The following NCAM2 variants were observed in gnomAD, a reference collection of about 807,000 sequenced individuals.
NCAM2 encodes neural cell adhesion molecule 2, also known as N-CAM-2.
A neutral mutation model predicts 98.1 loss-of-function variants in NCAM2; 30 were observed. The observed-to-expected ratio is 0.31, with a 90% CI of 0.23 to 0.41. NCAM2 has a LOEUF of 0.41. Among genes scored for constraint, NCAM2 ranks in the 10% least tolerant of loss-of-function variants. The probability of loss-of-function intolerance (pLI) is 1.00; values close to 1 mark genes in which losing one functional copy is unlikely to be tolerated. For synonymous variants in NCAM2, 368 were observed against 342.4 expected (o/e 1.07, Z -0.83); for missense variants, 867 against 1,005.8 (o/e 0.86, Z 1.87).
At chr21:21,291,075 G>A (rs1412561965) in intron 4 of NCAM2, among the ~76,000 whole-genome samples, 1 of 151,794 alleles carries the variant, frequency 6.6e-6, no homozygotes, top group Non-Finnish European at 1.5e-5. Flanking sequence ...CTGTAGATAT[G>A]TTAGAGGCTG....
At chr21:21,172,138 TG>T (rs1168867588) in intron 1 of NCAM2, among the ~76,000 whole-genome samples, 10 of 152,060 alleles carry the variant, frequency 6.6e-5, no homozygotes, top group Non-Finnish European at 7.4e-5. Context: ...CCCTATTTAA[TG>T]GGCATTTGTT....
intron 1 of NCAM2, among the ~76,000 whole-genome samples, chr21:21,100,713 A>T (rs1474359552): frequency 1.3e-5 from 2 of 151,962 alleles, no homozygotes; most frequent in African/African-American, 4.8e-5. Flanking sequence ...ATTGTGCTTA[A>T]ACTGCCCTTT....
At chr21:21,086,177 AGT>A (rs1272800428) in intron 1 of NCAM2, among the ~76,000 whole-genome samples, 2 of 152,204 alleles carry the variant, frequency 1.3e-5, no homozygotes, top group African/African-American at 4.8e-5. Context: ...AGAGATAAAA[AGT>A]GAGGGAAATC....
At chr21:21,265,445 T>TAG (rs2072215433) in intron 1 of NCAM2, among the ~76,000 whole-genome samples, 1 of 89,236 alleles carries the variant, frequency 1.1e-5, no homozygotes, top group Non-Finnish European at 2.5e-5. Context: ...ATATTATATA[T>TAG]ACACACATAT....
In NCAM2 at chr21:21,538,313, G is replaced by GA. The variant is rs972556955; in HGVS notation, c.*364dup. 4.7e-5 allele frequency: 6 copies of GA among 126,482 alleles called. No homozygotes were observed. Among genetic ancestry groups the GA allele is most frequent in the Non-Finnish European group, 9.3e-5 (5 of 53,598 alleles). The allele number at this position is 126,482 out of a possible 1,614,324, so 7.8% of individuals were successfully genotyped here. ...ACCACCAACAAATATAGGGGTTAAG[G>GA]AAAAAAAACGTGAGCTACATGTGTA... On this transcript the variant is annotated 3_prime_UTR_variant, in exon 18 of 18. Coordinates refer to ENST00000400546, the MANE Select transcript of NCAM2 (RefSeq NM_004540.5).
At chr21:21,453,108 A>T (rs1198468362) in intron 12 of NCAM2, among the ~76,000 whole-genome samples, 1 of 130,372 alleles carries the variant, frequency 7.7e-6, no homozygotes, top group Non-Finnish European at 1.6e-5. Flanking sequence ...TTAAATATAT[A>T]TTATATATAA....
chr21:21,062,189 G>A (rs906247475), intron 1 of NCAM2, among the ~76,000 whole-genome samples: 1 of 152,032 alleles, frequency 6.6e-6, no homozygotes, highest in African/African-American at 2.4e-5. Context: ...TTAAATATTG[G>A]CATATACGTA....
At chr21:21,247,404 C>T (rs540691490) in intron 1 of NCAM2, among the ~76,000 whole-genome samples, 5 of 152,080 alleles carry the variant, frequency 3.3e-5, no homozygotes, top group African/African-American at 7.2e-5. Flanking sequence ...TAAAGAGAAA[C>T]GAAATACAAA....
At chr21:21,216,336 T>G (rs1230745212) in intron 1 of NCAM2, among the ~76,000 whole-genome samples, 3 of 152,186 alleles carry the variant, frequency 2.0e-5, no homozygotes, top group East Asian at 3.9e-4. Flanking sequence ...CTAGAGCAGA[T>G]GTAGGGTACT....
chr21:21,042,882 T>C (rs1350149733), intron 1 of NCAM2, among the ~76,000 whole-genome samples: 1 of 152,240 alleles, frequency 6.6e-6, no homozygotes, highest in Non-Finnish European at 1.5e-5. Context: ...TACTGTACTT[T>C]ATCTGTTTGA....
intron 1 of NCAM2, among the ~76,000 whole-genome samples, chr21:21,191,421 T>A (rs1039284324): frequency 6.6e-6 from 1 of 152,194 alleles, no homozygotes; most frequent in Non-Finnish European, 1.5e-5. Flanking sequence ...ACAATTAAAA[T>A]TTTTATAATT....
chr21:21,346,709 TTAA>T (rs1027192013), intron 8 of NCAM2, among the ~76,000 whole-genome samples: 9 of 151,930 alleles, frequency 5.9e-5, no homozygotes, highest in African/African-American at 1.7e-4. Flanking sequence ...AAACTAGAAA[TTAA>T]TAATGAGGAC....
intron 1 of NCAM2, among the ~76,000 whole-genome samples, chr21:21,076,006 A>G (rs533175800): frequency 6.6e-5 from 10 of 151,944 alleles, no homozygotes; most frequent in African/African-American, 2.2e-4. Context: ...AGTCCCAGCC[A>G]CTCAGAAGGC....
Position 21,374,567 on chromosome 21 carries a change from G to A in NCAM2, c.1195+554G>A, listed in dbSNP as rs191842910. On this transcript the variant is annotated intron_variant, in intron 9 of 17. Transcript: ENST00000400546. Reference sequence around the variant, plus strand: ...TAAATTTAAAAATGTACATAACCACGTGAGTTTTGGGAAATGGGAGGGCTA... The same window carrying A: ...TAAATTTAAAAATGTACATAACCACATGAGTTTTGGGAAATGGGAGGGCTA... 2.2e-3 allele frequency among the ~76,000 whole-genome samples: 332 copies of A among 151,878 alleles called. 3 individuals carry two copies. In the Middle Eastern group the frequency reaches 0.024, roughly 11 times the overall value.
At chr21:21,237,579 A>T (rs866027403) in intron 1 of NCAM2, among the ~76,000 whole-genome samples, 1 of 152,120 alleles carries the variant, frequency 6.6e-6, no homozygotes. Context: ...TATATCCCAG[A>T]TTAAGAATTT....
chr21:21,304,836 A>G lies in NCAM2; in HGVS notation c.619+12595A>G, dbSNP rs370718779. 4.6e-5 allele frequency among the ~76,000 whole-genome samples: 7 copies of G among 152,136 alleles called. No homozygotes were observed. In the East Asian group the frequency reaches 9.6e-4, roughly 21 times the overall value. On this transcript the variant is annotated intron_variant, in intron 5 of 17. Coordinates refer to ENST00000400546, the MANE Select transcript of NCAM2 (RefSeq NM_004540.5). ...TCTTAAGTGTTTTTTATACAGTCCT[A>G]ACTCATCTTTTGGCAGATTTATCTC...
chr21:21,336,470 A>T (rs1043740366), intron 7 of NCAM2, among the ~76,000 whole-genome samples: 1 of 152,038 alleles, frequency 6.6e-6, no homozygotes, highest in Non-Finnish European at 1.5e-5. Context: ...ATGTTAAATG[A>T]TGAGTAACTG....
intron 11 of NCAM2, 139 bp downstream of exon 11, chr21:21,418,708 T>A: frequency 1.4e-6 from 1 of 703,498 alleles, no homozygotes; most frequent in Non-Finnish European, 2.5e-6. Flanking sequence ...AGACTGTGGT[T>A]ACCAGAGGCT....
chr21:21,480,922 G>A (rs1435531293), intron 15 of NCAM2, among the ~76,000 whole-genome samples: 1 of 152,166 alleles, frequency 6.6e-6, no homozygotes, highest in African/African-American at 2.4e-5. Flanking sequence ...AGCAAGACTT[G>A]GAGAATGAGG....
Sources: allele counts gnomAD v4.1 joint callset (sites outside exome capture counted in the v4.1 genomes callset), GRCh38; gene constraint gnomAD v4.1.1; transcripts MANE v1.5; gene names NCBI Gene and HGNC (gene_info 2026-07-23, HGNC 2026-07-21).